The following PDZD9 variants were observed in gnomAD, a reference collection of about 807,000 sequenced individuals.
PDZD9 encodes the protein PDZ domain containing 9, also known as PDZ domain-containing protein 9.
PDZD9 carries 13 observed loss-of-function variants against 16.3 expected under a neutral mutation model. The ratio of observed to expected loss-of-function variants is 0.80; its 90% CI spans 0.52 to 1.27. The LOEUF (loss-of-function observed/expected upper bound fraction) is 1.27. Ranked by LOEUF, PDZD9 falls within the 50% of genes most tolerant of loss-of-function variation. The pLI is 0.00. For synonymous variants in PDZD9, 120 were observed against 111.0 expected (o/e 1.08, Z -0.51); for missense variants, 288 against 310.9 (o/e 0.93, Z 0.55).
At chr16:21,988,003 CTTTTTTTTTT>C (rs773101505) in intron 3 of PDZD9, among the ~76,000 whole-genome samples, 1 of 100,724 alleles carries the variant, frequency 9.9e-6, no homozygotes, top group Non-Finnish European at 1.9e-5. Flanking sequence ...GCAAGAAGCA[CTTTTTTTTTT>C]TTTTTTTTTT....
intron 3 of PDZD9, among the ~76,000 whole-genome samples, chr16:21,985,684 C>G (rs1214086160): frequency 6.6e-6 from 1 of 152,218 alleles, no homozygotes; most frequent in Non-Finnish European, 1.5e-5. Context: ...CTGGTACATT[C>G]TGCCCTGCTA....
downstream of PDZD9, chr16:21,983,110 G>A: frequency 6.2e-7 from 1 of 1,613,886 alleles, no homozygotes. Context: ...TTTGTTTCTG[G>A]CCAGAAGTCA....
chr16:21,968,157 A>G, the PDZD9 span, among the ~76,000 whole-genome samples: 2 of 151,988 alleles, frequency 1.3e-5, no homozygotes, highest in Middle Eastern at 3.4e-3. Flanking sequence ...GTGCACCACC[A>G]TGCCTGGCTA....
the PDZD9 span, among the ~76,000 whole-genome samples, chr16:21,977,238 C>T: frequency 1.3e-5 from 2 of 152,072 alleles, no homozygotes; most frequent in South Asian, 4.2e-4. Context: ...CCTGTAGCCT[C>T]AGCTACTCAG....
intron 2 of PDZD9, among the ~76,000 whole-genome samples, chr16:21,995,461 AC>A (rs1899125119): frequency 6.6e-6 from 1 of 152,162 alleles, no homozygotes; most frequent in Non-Finnish European, 1.5e-5. Flanking sequence ...GGATCCTCCC[AC>A]CTTGGCTTCC....
intron 3 of PDZD9, among the ~76,000 whole-genome samples, 159 bp from the exon 4 acceptor site, chr16:21,984,819 G>A (rs556976045): frequency 3.9e-5 from 6 of 152,040 alleles, no homozygotes; most frequent in Admixed American, 6.5e-5. Flanking sequence ...TTTTTAAATC[G>A]TCTTGAAATC....
the PDZD9 span, among the ~76,000 whole-genome samples, chr16:21,978,174 C>T: frequency 6.6e-6 from 1 of 152,102 alleles, no homozygotes; most frequent in South Asian, 2.1e-4. Flanking sequence ...CTTGTAAGTT[C>T]TTCCTGTAGT....
downstream of PDZD9, among the ~76,000 whole-genome samples, chr16:21,982,620 C>T (rs144908443): frequency 5.9e-5 from 9 of 152,288 alleles, no homozygotes; most frequent in East Asian, 5.8e-4. Context: ...AAGCACCAGC[C>T]ATCTCCTAGT....
the PDZD9 span, chr16:21,962,439 C>G: frequency 1.2e-6 from 2 of 1,613,792 alleles, no homozygotes; most frequent in Admixed American, 1.7e-5. Context: ...ATGATTTACT[C>G]TAGTTTATTT....
the PDZD9 span, chr16:21,971,792 A>G: frequency 1.5e-6 from 2 of 1,373,988 alleles, no homozygotes; most frequent in Non-Finnish European, 2.0e-6. Flanking sequence ...TGGGGACAGG[A>G]TGGCATGGGG....
downstream of PDZD9, among the ~76,000 whole-genome samples, chr16:21,979,507 T>C (rs1477890421): frequency 6.6e-6 from 1 of 152,170 alleles, no homozygotes; most frequent in Non-Finnish European, 1.5e-5. Flanking sequence ...TACAAACCTG[T>C]ATAGCATGTA....
rs771330605 is a variant in PDZD9, at chr16:21,988,660, G to C, written c.343C>G (p.Pro115Ala). ...IKVYRDFINI[P>A]EEWQEIYDLI... is the part of the protein sequence containing the mutation. Reference sequence around the variant, plus strand: ...TCATATATTTCTTGCCATTCTTCAGGAATGTTAATAAAATCTCGGTAAACC... The same window carrying C: ...TCATATATTTCTTGCCATTCTTCAGCAATGTTAATAAAATCTCGGTAAACC... Residue 115 changes from proline (P) to alanine (A), a missense_variant, in exon 3 of 4, where the codon CCT becomes GCT. Pro to Ala is a conservative substitution (Grantham distance 27). Coordinates refer to ENST00000424898, the MANE Select transcript of PDZD9 (RefSeq NM_001363519.1). The C allele has an allele frequency of 3.7e-6, 6 of 1,613,160 alleles. No homozygotes were observed. Among genetic ancestry groups the C allele is most frequent in the African/African-American group, 1.3e-5 (1 of 74,858 alleles).
At chr16:21,996,187 A>C (rs1016806713) in intron 2 of PDZD9, 135 bp downstream of exon 2, 1 of 1,130,358 alleles carries the variant, frequency 8.8e-7, no homozygotes, top group African/African-American at 1.6e-5. Flanking sequence ...TGGCCTCCCA[A>C]AGTGCTGGGA....
chr16:21,995,629 A>G (rs1899129222), intron 2 of PDZD9, among the ~76,000 whole-genome samples: 1 of 151,820 alleles, frequency 6.6e-6, no homozygotes, highest in East Asian at 1.9e-4. Context: ...ACAGAGTCTC[A>G]CTCTGTCACC....
chr16:21,979,456 T>C (rs1898663069), downstream of PDZD9, among the ~76,000 whole-genome samples: 1 of 152,214 alleles, frequency 6.6e-6, no homozygotes, highest in Non-Finnish European at 1.5e-5. Flanking sequence ...TATAGCCTAC[T>C]ACACACATGG....
the PDZD9 span, chr16:21,968,806 A>G: frequency 1.6e-5 from 12 of 729,180 alleles, no homozygotes; most frequent in African/African-American, 1.8e-4. Flanking sequence ...TTTATGTCAG[A>G]CAGGCAATAT....
intron 1 of PDZD9, 42 bp downstream of exon 1, chr16:22,000,975 G>A: frequency 6.6e-7 from 1 of 1,526,324 alleles, no homozygotes; most frequent in Non-Finnish European, 8.8e-7. Context: ...ACGAAGGCTT[G>A]GTCCCCAGGG....
the PDZD9 span, chr16:21,971,543 T>G: frequency 6.2e-7 from 1 of 1,614,148 alleles, no homozygotes; most frequent in Non-Finnish European, 8.5e-7. Context: ...CATCCTGTTC[T>G]AAAGCAAGTT....
Position 21,984,441 on chromosome 16 carries a change from C to T in PDZD9, c.621G>A (p.Met207Ile). 6.2e-7 allele frequency: 1 copy of T among 1,614,102 alleles called. No individual in the cohort carries two copies. The highest frequency in any genetic ancestry group is 8.5e-7 in the Non-Finnish European group (1 of 1,179,970). The change falls in exon 4 of 4, where the codon ATG becomes ATA. Residue 207 changes from methionine to isoleucine, a missense_variant. Coordinates refer to ENST00000424898, the MANE Select transcript of PDZD9 (RefSeq NM_001363519.1). ...SVGKDINCDV[M>I]IHRDDKKEVR... Reference sequence around the variant, plus strand: ...CTTCTTTCTTGTCGTCTCTGTGAATCATCACGTCACAATTAATGTCTTTTC... The same window carrying T: ...CTTCTTTCTTGTCGTCTCTGTGAATTATCACGTCACAATTAATGTCTTTTC...
Sources: gnomAD v4.1 joint callset for allele counts (sites outside exome capture counted in the v4.1 genomes callset) on GRCh38, gnomAD v4.1.1 for gene constraint, MANE v1.5 for transcripts, NCBI Gene and HGNC (gene_info 2026-07-23, HGNC 2026-07-21) for gene names.